The following PCDHA3 variants were observed in gnomAD, a reference collection of about 807,000 sequenced individuals.
The protein encoded by PCDHA3 is protocadherin alpha 3, also known as protocadherin alpha-3.
PCDHA3 carries 41 observed loss-of-function variants against 62.2 expected under a neutral mutation model. The ratio of observed to expected loss-of-function variants is 0.66; its 90% confidence interval spans 0.51 to 0.86. The LOEUF is 0.86. Among genes scored for constraint, PCDHA3 ranks in the 40% least tolerant of loss-of-function variants. The pLI is 0.00. For missense variants in PCDHA3, 1,304 were observed against 1,241.2 expected, an observed-to-expected ratio of 1.05 and a Z score of -0.76; for synonymous variants, 640 against 555.4, an observed-to-expected ratio of 1.15 and a Z score of -2.14.
chr5:140,992,822 T>G (rs560336634), intron 3 of PCDHA3, among the ~76,000 whole-genome samples: 6 of 152,240 alleles, frequency 3.9e-5, no homozygotes, highest in Admixed American at 3.3e-4. Flanking sequence ...GATGTGTTTG[T>G]TTTTTGGGAA....
intron 3 of PCDHA3, among the ~76,000 whole-genome samples, chr5:141,007,850 C>A (rs1299909821): frequency 6.6e-6 from 1 of 152,156 alleles, no homozygotes; most frequent in Non-Finnish European, 1.5e-5. Context: ...GACTCAAAGT[C>A]CTTAAAGGTC....
intron 1 of PCDHA3, chr5:140,966,926 C>G (rs782811757): frequency 1.9e-6 from 3 of 1,603,462 alleles, no homozygotes; most frequent in Admixed American, 1.7e-5. Flanking sequence ...GGAGCAGGCA[C>G]CCGGCGCGCT....
rs782316296 is a variant in PCDHA3 at position 140,927,382 on chromosome 5, AG to A, written c.2395-51566del. Reference sequence around the variant, plus strand: ...CAATGGGATACTAAGCTACAGCCTAAGCCCCAGTCAGCACTTTCGCCTGGAC... The same window carrying A: ...CAATGGGATACTAAGCTACAGCCTAACCCCAGTCAGCACTTTCGCCTGGAC... On this transcript the variant is annotated intron_variant, in intron 1 of 3. Coordinates refer to ENST00000522353, the MANE Select transcript of PCDHA3 (RefSeq NM_018906.3). 6 of 1,614,012 alleles carry A rather than the reference AG, an allele frequency of 3.7e-6. No homozygotes were observed. The African/African-American group carries it at 8.0e-5, about 22-fold the overall frequency.
chr5:140,850,290 G>C (rs2150477897), intron 1 of PCDHA3: 1 of 1,595,932 alleles, frequency 6.3e-7, no homozygotes, highest in South Asian at 1.1e-5. Flanking sequence ...CGCAGTGGAC[G>C]CCGACTCGGG....
chr5:140,928,126 C>G (rs782461261), intron 1 of PCDHA3: 1 of 1,614,058 alleles, frequency 6.2e-7, no homozygotes, highest in African/African-American at 1.3e-5. Context: ...CAGTGAATAC[C>G]AAGTCCTGAT....
At chr5:140,885,349 AG>A (rs2060568168) in intron 1 of PCDHA3, among the ~76,000 whole-genome samples, 1 of 152,206 alleles carries the variant, frequency 6.6e-6, no homozygotes, top group African/African-American at 2.4e-5. Context: ...GATTTCCAAA[AG>A]GTACTGGTGA....
chr5:140,962,014 G>C (rs2095650512), intron 1 of PCDHA3, among the ~76,000 whole-genome samples: 1 of 151,888 alleles, frequency 6.6e-6, no homozygotes, highest in African/African-American at 2.4e-5. Flanking sequence ...TTCCCGAGTA[G>C]CTGGGACTAC....
chr5:140,968,789 G>C, intron 1 of PCDHA3: 5 of 1,614,180 alleles, frequency 3.1e-6, no homozygotes, highest in Non-Finnish European at 4.2e-6. Context: ...AGCCTCTGTG[G>C]CCATTACAGT....
chr5:140,966,109 C>G (rs373588380), intron 1 of PCDHA3: 47 of 156,394 alleles, frequency 3.0e-4, no homozygotes, highest in African/African-American at 1.1e-3. Context: ...GCCTGGGTGC[C>G]CATACTTAGC....
chr5:140,824,612 T>TTTG (rs1562279387), intron 1 of PCDHA3: 3 of 117,268 alleles, frequency 2.6e-5, no homozygotes, highest in African/African-American at 7.9e-5. Context: ...TAATTAAAGT[T>TTTG]TTTTTTTTTT....
At chr5:141,003,331 TTTTG>T (rs1554259005) in intron 3 of PCDHA3, among the ~76,000 whole-genome samples, 2 of 152,142 alleles carry the variant, frequency 1.3e-5, no homozygotes, top group Non-Finnish European at 2.9e-5. Flanking sequence ...GGGCAGGGTT[TTTTG>T]TTTGTTTGCT....
At chr5:140,822,680 A>C (rs2150118519) in intron 1 of PCDHA3, 2 of 1,609,870 alleles carry the variant, frequency 1.2e-6, no homozygotes, top group Non-Finnish European at 1.7e-6. Flanking sequence ...GGTGAAATAA[A>C]AGTTAACGGG....
intron 1 of PCDHA3, among the ~76,000 whole-genome samples, chr5:140,837,545 T>C (rs1775114799): frequency 6.6e-6 from 1 of 151,994 alleles, no homozygotes; most frequent in Non-Finnish European, 1.5e-5. Context: ...AGATTATTAT[T>C]GCCAAATTAT....
chr5:140,893,689 A>T (rs999117899), intron 1 of PCDHA3, among the ~76,000 whole-genome samples: 1 of 152,192 alleles, frequency 6.6e-6, no homozygotes, highest in Admixed American at 6.5e-5. Flanking sequence ...ATATCATCTC[A>T]TTCTATCCTA....
intron 1 of PCDHA3, among the ~76,000 whole-genome samples, chr5:140,952,596 GTT>G (rs1246642070): frequency 6.6e-6 from 1 of 152,136 alleles, no homozygotes; most frequent in Non-Finnish European, 1.5e-5. Flanking sequence ...TCTCTAGGAA[GTT>G]CTAAGCTCTC....
intron 1 of PCDHA3, chr5:140,856,524 CG>C (rs2044059008): frequency 6.3e-7 from 1 of 1,598,296 alleles, no homozygotes; most frequent in African/African-American, 1.3e-5. Flanking sequence ...GCATCTGATG[CG>C]GATGTTGGAG....
intron 1 of PCDHA3, chr5:140,876,989 G>T (rs781957201): frequency 1.2e-6 from 2 of 1,612,664 alleles, no homozygotes; most frequent in South Asian, 1.1e-5. Context: ...GCACTGTCGA[G>T]CTACGTGTCG....
intron 1 of PCDHA3, among the ~76,000 whole-genome samples, chr5:140,971,278 ATATTAATATG>A (rs1408088373): frequency 6.6e-6 from 1 of 152,208 alleles, no homozygotes; most frequent in African/African-American, 2.4e-5. Context: ...ACTGACCTGT[ATATTAATATG>A]TACTTTGGTA....
rs114635096 is a variant in PCDHA3 at position 140,845,857 on chromosome 5, A to G, written c.2394+42266A>G. Among the ~76,000 whole-genome samples the G allele has an allele frequency of 6.1e-4, 91 of 149,958 alleles. 1 individual carries two copies. The highest frequency in any genetic ancestry group is 2.1e-3 in the African/African-American group (88 of 41,030). Reference sequence around the variant, plus strand: ...ATTCTTAAGAGAAAAGAAGTTAGTGATTGCAGAAAGGCAACCTAAAATGTC... The same window carrying G: ...ATTCTTAAGAGAAAAGAAGTTAGTGGTTGCAGAAAGGCAACCTAAAATGTC... On this transcript the variant is annotated intron_variant, in intron 1 of 3. Coordinates refer to ENST00000522353, the MANE Select transcript of PCDHA3 (RefSeq NM_018906.3).
Sources: gnomAD v4.1 joint callset for allele counts (sites outside exome capture counted in the v4.1 genomes callset) on GRCh38, gnomAD v4.1.1 for gene constraint, MANE v1.5 for transcripts, NCBI Gene and HGNC (gene_info 2026-07-23, HGNC 2026-07-21) for gene names.